The following ENPP2 variants were observed in gnomAD, a reference collection of about 807,000 sequenced individuals.
ENPP2 encodes the protein autotaxin.
A neutral mutation model predicts 120.2 loss-of-function variants in ENPP2; 51 were observed. The observed-to-expected ratio is 0.42, with a 90% confidence interval of 0.34 to 0.54. The LOEUF is 0.54. Ranked by LOEUF, ENPP2 falls within the 20% of genes least tolerant of loss-of-function variation. The pLI, the probability that ENPP2 is intolerant of heterozygous loss-of-function variation, is 0.04. For synonymous variants in ENPP2, 365 were observed against 366.4 expected (o/e 1.00, Z 0.04); for missense variants, 920 against 1,066.5 (o/e 0.86, Z 1.91).
intron 1 of ENPP2, among the ~76,000 whole-genome samples, chr8:119,663,464 T>G (rs576915837): frequency 1.3e-5 from 2 of 152,354 alleles, no homozygotes; most frequent in South Asian, 4.1e-4. Flanking sequence ...AAACTGAAAT[T>G]TAACTGGGGC....
intron 24 of ENPP2, among the ~76,000 whole-genome samples, chr8:119,561,636 T>C (rs1363350534): frequency 6.6e-6 from 1 of 152,158 alleles, no homozygotes. Flanking sequence ...GTTTTCATGA[T>C]GCCATCCTGC....
chr8:119,602,457 CAAA>C (rs57298494), intron 9 of ENPP2, among the ~76,000 whole-genome samples: 57,810 of 122,824 alleles, frequency 0.47, 11,881 homozygotes, highest in African/African-American at 0.55. Flanking sequence ...AACTCTGTCT[CAAA>C]AAAAAAAAAA....
rs1327738777 is a variant in ENPP2, at chr8:119,644,625, T to TATATAC, written c.22-6099_22-6098insGTATAT. Among the ~76,000 whole-genome samples, 123 of 74,276 alleles carry TATATAC rather than the reference T, an allele frequency of 1.7e-3. 1 individual carries two copies. The highest frequency in any genetic ancestry group is 5.6e-3 in the African/African-American group (113 of 20,212). 48.7% of individuals were successfully genotyped at this position (74,276 alleles called of 152,430 possible). On this transcript the variant is annotated intron_variant, in intron 1 of 25. Coordinates refer to the ENPP2 transcript ENST00000427067. The stretch of plus-strand genomic sequence containing the variant: ...ATATATATATATATATATATATATA[T>TATATAC]ACACACACACACACACACACACATA...
At chr8:119,623,198 G>A (rs1484969436) in intron 3 of ENPP2, among the ~76,000 whole-genome samples, 2 of 152,174 alleles carry the variant, frequency 1.3e-5, no homozygotes, top group Non-Finnish European at 2.9e-5. Flanking sequence ...AGGCTCAGTG[G>A]CTCATGTCTG....
Position 119,557,512 on chromosome 8 carries a change from CTCAG to C in ENPP2, c.*5_*8del. ...AGTTGATAAGACTGTACTGCAGATG[CTCAG>C]AAAGTTAAATCTCGCTCTCATATGT... is the stretch of plus-strand genomic sequence containing the variant. On this transcript the variant is annotated 3_prime_UTR_variant, in exon 25 of 25. Coordinates refer to ENST00000075322, the MANE Select transcript of ENPP2 (RefSeq NM_001040092.3). 1 of 1,607,836 alleles carries C rather than the reference CTCAG, an allele frequency of 6.2e-7. No homozygotes were observed. Among genetic ancestry groups the C allele is most frequent in the South Asian group, 1.1e-5 (1 of 90,388 alleles).
chr8:119,662,969 T>C (rs918225130), intron 1 of ENPP2, among the ~76,000 whole-genome samples: 1 of 151,834 alleles, frequency 6.6e-6, no homozygotes, highest in Non-Finnish European at 1.5e-5. Flanking sequence ...TTTTTTAAAT[T>C]GGCCAGGTGT....
At chr8:119,583,633 C>G (rs991708002) in intron 17 of ENPP2, 84 bp downstream of exon 17, 1 of 773,922 alleles carries the variant, frequency 1.3e-6, no homozygotes, top group South Asian at 1.9e-5. Flanking sequence ...AAATAGACAC[C>G]TCATTTCTTT....
At chr8:119,572,514 G>A (rs1197409043) in intron 19 of ENPP2, 4 of 429,078 alleles carry the variant, frequency 9.3e-6, no homozygotes, top group African/African-American at 2.0e-5. Flanking sequence ...AGCATTCAAC[G>A]TAACACTCTA....
intron 1 of ENPP2, among the ~76,000 whole-genome samples, chr8:119,644,540 G>A (rs996649824): frequency 2.1e-5 from 3 of 141,872 alleles, no homozygotes; most frequent in African/African-American, 7.6e-5. Context: ...ATAAGGGACA[G>A]AGCTAATAGC....
intron 15 of ENPP2, among the ~76,000 whole-genome samples, chr8:119,585,788 C>T (rs988993658): frequency 1.3e-5 from 2 of 152,140 alleles, no homozygotes; most frequent in African/African-American, 4.8e-5. Flanking sequence ...CTAAAGTCCT[C>T]TATAAATATT....
intron 2 of ENPP2, among the ~76,000 whole-genome samples, chr8:119,629,386 T>C (rs58361300): frequency 0.34 from 51,871 of 152,086 alleles, 11,046 homozygotes; most frequent in African/African-American, 0.6. Flanking sequence ...TAATTCATGT[T>C]TTACTTTTAA....
Position 119,583,996 on chromosome 8 carries a change from T to C in ENPP2, c.1421A>G (p.Asp474Gly). 1 of 1,613,868 alleles carries C rather than the reference T, an allele frequency of 6.2e-7. No individual in the cohort carries two copies. Among genetic ancestry groups the C allele is most frequent in the Non-Finnish European group, 8.5e-7 (1 of 1,179,802 alleles). ...GTTGACCTTGTTATCAAATCCGTGG[T>C]CTCCCTGGAAAAAGCATTTTCCTGA... ...KPSGKCFFQG[D>G]HGFDNKVNSM... Residue 474 changes from aspartate (D) to glycine (G), a missense_variant, in exon 16 of 25, where the codon GAC becomes GGC. Physicochemically the swap from Asp to Gly is moderately conservative, Grantham distance 94. Coordinates refer to ENST00000075322, the MANE Select transcript of ENPP2 (RefSeq NM_001040092.3).
intron 13 of ENPP2, among the ~76,000 whole-genome samples, chr8:119,588,435 A>G (rs993252450): frequency 2.0e-5 from 3 of 150,078 alleles, no homozygotes; most frequent in Non-Finnish European, 3.0e-5. Flanking sequence ...AAGCTGAGGC[A>G]GGAGAATTGC....
intron 6 of ENPP2, 22 bp from the exon 7 acceptor site, chr8:119,617,265 T>C: frequency 6.3e-7 from 1 of 1,582,310 alleles, no homozygotes; most frequent in Non-Finnish European, 8.7e-7. Context: ...ATTGCAAATA[T>C]TAGAACAAGA....
rs377608124 is a variant in ENPP2, at chr8:119,616,302, C to A, written c.740G>T (p.Arg247Leu). The change falls in exon 8 of 25, where the codon CGA (arginine) becomes CTA (leucine). Residue 247 changes from arginine (R) to leucine (L), a missense_variant. Physicochemically the swap from Arg to Leu is moderately radical, Grantham distance 102. Transcript: ENST00000075322. ...VFDATFHLRG[R>L]EKFNHRWWGG... The stretch of plus-strand genomic sequence containing the variant: ...CCACCATCTATGATTAAATTTCTCT[C>A]GCCCTCGCAGATGAAAAGTGGCATC... 6.2e-7 allele frequency: 1 copy of A among 1,608,990 alleles called. No individual in the cohort carries two copies. Among genetic ancestry groups the A allele is most frequent in the African/African-American group, 1.3e-5 (1 of 74,976 alleles).
intron 8 of ENPP2, among the ~76,000 whole-genome samples, chr8:119,611,180 A>G (rs1361959918): frequency 6.6e-6 from 1 of 152,250 alleles, no homozygotes; most frequent in Non-Finnish European, 1.5e-5. Context: ...TTCAGCATGT[A>G]GCTTTGGGAG....
chr8:119,620,381 T>C (rs1815802334), intron 4 of ENPP2, among the ~76,000 whole-genome samples: 1 of 152,216 alleles, frequency 6.6e-6, no homozygotes, highest in African/African-American at 2.4e-5. Context: ...AGCATAATTA[T>C]TGGGTAGGGG....
chr8:119,561,303 A>G (rs1037517147), intron 24 of ENPP2, among the ~76,000 whole-genome samples: 3 of 152,138 alleles, frequency 2.0e-5, no homozygotes, highest in Admixed American at 6.5e-5. Flanking sequence ...TGCAATTTCC[A>G]TACCTGTTTT....
At chr8:119,608,609 T>C (rs1339970742) in intron 8 of ENPP2, among the ~76,000 whole-genome samples, 1 of 152,178 alleles carries the variant, frequency 6.6e-6, no homozygotes, top group Non-Finnish European at 1.5e-5. Context: ...CGTGTACTAT[T>C]GGGGAGGCAT....
Sources: gnomAD v4.1 joint callset for allele counts (sites outside exome capture counted in the v4.1 genomes callset) on GRCh38, gnomAD v4.1.1 for gene constraint, MANE v1.5 for transcripts, NCBI Gene and HGNC (gene_info 2026-07-23, HGNC 2026-07-21) for gene names.